Variants in COL9A1 observed in about 807,000 individuals in gnomAD.
The protein encoded by COL9A1 is collagen alpha-1(IX) chain.
Under a neutral mutation model 142.6 loss-of-function variants are expected in COL9A1, and 104 were observed. The ratio of observed to expected loss-of-function variants is 0.73; its 90% CI spans 0.62 to 0.86. The LOEUF (loss-of-function observed/expected upper bound fraction) is 0.86. COL9A1 is among the 40% of genes least tolerant of loss of function. The probability of loss-of-function intolerance (pLI) is 0.00; values close to 1 mark genes in which losing one functional copy is unlikely to be tolerated. For synonymous variants in COL9A1, 466 were observed against 396.0 expected (o/e 1.18, Z -2.10); for missense variants, 1,210 against 1,176.6 (o/e 1.03, Z -0.42).
At chr6:70,285,446 T>C (rs144293889) in intron 5 of COL9A1, among the ~76,000 whole-genome samples, 78 of 152,376 alleles carry the variant, frequency 5.1e-4, no homozygotes, top group African/African-American at 1.8e-3. Context: ...ACATGTAAAA[T>C]GCTGATTTTC....
chr6:70,240,302 T>C (rs1770163677), intron 32 of COL9A1, among the ~76,000 whole-genome samples: 1 of 152,234 alleles, frequency 6.6e-6, no homozygotes, highest in Non-Finnish European at 1.5e-5. Context: ...AAAACTTGAA[T>C]ATTGTTTTCA....
intron 28 of COL9A1, among the ~76,000 whole-genome samples, chr6:70,251,718 G>T (rs961068518): frequency 6.6e-6 from 1 of 152,128 alleles, no homozygotes; most frequent in African/African-American, 2.4e-5. Context: ...TGGGAGGTGG[G>T]TATAAGATTC....
intron 5 of COL9A1, among the ~76,000 whole-genome samples, chr6:70,289,907 T>C (rs1773594213): frequency 6.6e-6 from 1 of 152,184 alleles, no homozygotes. Flanking sequence ...GAAGTTAGCG[T>C]GATTCAATTC....
Position 70,263,214 on chromosome 6 carries a change from T to C in COL9A1, c.1395+30A>G, listed in dbSNP as rs753160135. The C allele has an allele frequency of 4.0e-6, 6 of 1,501,886 alleles. No individual in the cohort carries two copies. In the African/African-American group the frequency reaches 5.6e-5, roughly 14 times the overall value. The allele number at this position is 1,501,886 out of a possible 1,614,324, so 93.0% of individuals were successfully genotyped here. A position where few individuals can be genotyped will look rare whatever the true frequency, so the allele number is the denominator to read the frequency against. On this transcript the variant is annotated intron_variant, in intron 19 of 37. Transcript: ENST00000357250. ...GAAAAAAAAGAATATTTACATATCC[T>C]AGTTAAATATTTTTTAAAAAATACT...
chr6:70,282,632 G>T (rs1007959279), intron 7 of COL9A1, among the ~76,000 whole-genome samples: 5 of 152,174 alleles, frequency 3.3e-5, no homozygotes, highest in Non-Finnish European at 7.3e-5. Flanking sequence ...ATTAAACCTC[G>T]GTCTCCAGTC....
chr6:70,236,927 T>C (rs529580974), intron 33 of COL9A1, among the ~76,000 whole-genome samples: 1 of 152,252 alleles, frequency 6.6e-6, no homozygotes, highest in Admixed American at 6.5e-5. Flanking sequence ...GTTCAAGCGA[T>C]TCTCCTGCCT....
chr6:70,226,301 C>G (rs1278460411), intron 36 of COL9A1, among the ~76,000 whole-genome samples: 1 of 152,108 alleles, frequency 6.6e-6, no homozygotes, highest in Non-Finnish European at 1.5e-5. Context: ...ACTTCCTAAA[C>G]ACGAAAAATA....
intron 7 of COL9A1, among the ~76,000 whole-genome samples, chr6:70,282,691 G>C (rs1013905593): frequency 6.6e-6 from 1 of 152,200 alleles, no homozygotes; most frequent in Admixed American, 6.5e-5. Flanking sequence ...ACCCAGATTG[G>C]GGAGGAGCCC....
chr6:70,272,162 A>G lies in COL9A1; in HGVS notation c.1066-74T>C, dbSNP rs1772447275. ...ATAAATATGAATGTAGACATAACTC[A>G]GCTAAAATAAACCATAAACTCTATT... On this transcript the variant is annotated intron_variant, in intron 12 of 37. Transcript: ENST00000357250. The G allele has an allele frequency of 2.4e-6, 3 of 1,249,962 alleles. No homozygotes were observed. The East Asian group carries it at 7.3e-5, about 30-fold the overall frequency. The allele number at this position is 1,249,962 out of a possible 1,614,324, so 77.4% of individuals were successfully genotyped here.
chr6:70,280,705 T>C, intron 10 of COL9A1, 107 bp downstream of exon 10: 1 of 1,342,558 alleles, frequency 7.4e-7, no homozygotes, highest in Non-Finnish European at 1.0e-6. Context: ...CCACAGCGCG[T>C]TCTCTCTCTC....
Position 70,294,694 on chromosome 6 carries a change from G to GT in COL9A1, c.300-132dup. 4.8e-6 allele frequency: 4 copies of GT among 827,496 alleles called. No individual in the cohort carries two copies. In the South Asian group the frequency reaches 6.2e-5, roughly 13 times the overall value. 51.3% of individuals were successfully genotyped at this position (827,496 alleles called of 1,614,324 possible). A position where few individuals can be genotyped will look rare whatever the true frequency, so the allele number is the denominator to read the frequency against. On this transcript the variant is annotated intron_variant, in intron 4 of 37. Coordinates refer to ENST00000357250, the MANE Select transcript of COL9A1 (RefSeq NM_001851.6). ...GCTACAGTGTAAAAACCTATGTACC[G>GT]TTTGTTCTTTCATGACTGTTCATAA...
chr6:70,274,213 A>AT, intron 11 of COL9A1, 131 bp from the exon 12 acceptor site: 1 of 605,346 alleles, frequency 1.7e-6, no homozygotes, highest in South Asian at 2.7e-5. Flanking sequence ...TCCAACTTTT[A>AT]TTTTAAGTTC....
At position 70,234,958 on chromosome 6, in the gene COL9A1, A is replaced by G; in HGVS notation, c.2113-18T>C. 1 of 1,614,114 alleles carries G rather than the reference A, an allele frequency of 6.2e-7. No homozygotes were observed. The highest frequency in any genetic ancestry group is 8.5e-7 in the Non-Finnish European group (1 of 1,180,018). ...TTACCTGCCTGGAACACAATTGCAC[A>G]CTATCAAACCAGGGCTAAGCATAAA... On this transcript the variant is annotated intron_variant, in intron 33 of 37. Coordinates refer to ENST00000357250, the MANE Select transcript of COL9A1 (RefSeq NM_001851.6).
chr6:70,258,436 C>G (rs1245645032), intron 20 of COL9A1: 1 of 152,168 alleles, frequency 6.6e-6, no homozygotes, highest in African/African-American at 2.4e-5. Context: ...ATAGAAGGTT[C>G]AGACATAGGT....
At chr6:70,258,513 A>G (rs1771473784) in intron 20 of COL9A1, 1 of 152,238 alleles carries the variant, frequency 6.6e-6, no homozygotes, top group Non-Finnish European at 1.5e-5. Context: ...TGATCCCTAA[A>G]AAGTAGGACA....
intron 4 of COL9A1, among the ~76,000 whole-genome samples, chr6:70,294,965 T>C (rs904585379): frequency 6.6e-6 from 1 of 152,222 alleles, no homozygotes; most frequent in Non-Finnish European, 1.5e-5. Context: ...GGAATGTAAA[T>C]CAGCTGTACT....
chr6:70,286,258 G>A lies in COL9A1; in HGVS notation c.697-2438C>T, dbSNP rs1417912695. Reference sequence around the variant, plus strand: ...CTCAAGGTTACAGTAATGCCCAGCTGACAATACATTTAAGCAAGGAATTTT... The same window carrying A: ...CTCAAGGTTACAGTAATGCCCAGCTAACAATACATTTAAGCAAGGAATTTT... On this transcript the variant is annotated intron_variant, in intron 5 of 37. Transcript: ENST00000357250. 2.0e-5 allele frequency among the ~76,000 whole-genome samples: 3 copies of A among 152,198 alleles called. No individual in the cohort carries two copies. In the East Asian group the frequency reaches 5.8e-4, roughly 29 times the overall value.
At chr6:70,250,321 G>A (rs1770863869) in intron 28 of COL9A1, among the ~76,000 whole-genome samples, 1 of 152,106 alleles carries the variant, frequency 6.6e-6, no homozygotes, top group Non-Finnish European at 1.5e-5. Flanking sequence ...AGCTCTAATG[G>A]CCACACACTG....
chr6:70,215,731 TAAC>T, downstream of COL9A1: 1 of 152,240 alleles, frequency 6.6e-6, no homozygotes. Context: ...AGGAGGGAGC[TAAC>T]AAGCCATTGG....
Sources: gnomAD v4.1 joint callset for allele counts (sites outside exome capture counted in the v4.1 genomes callset) on GRCh38, gnomAD v4.1.1 for gene constraint, MANE v1.5 for transcripts, NCBI Gene and HGNC (gene_info 2026-07-23, HGNC 2026-07-21) for gene names.